The following PBX1 variants were observed in gnomAD, a reference collection of about 807,000 sequenced individuals.
The protein encoded by PBX1 is PBX homeobox 1, also known as pre-B-cell leukemia transcription factor 1.
In PBX1, 6 loss-of-function variants were observed where a neutral mutation model predicts 53.4. The ratio of observed to expected loss-of-function variants is 0.11; its 90% CI spans 0.06 to 0.22. The LOEUF (loss-of-function observed/expected upper bound fraction) is 0.22. PBX1 is among the 10% of genes least tolerant of loss of function. The probability of loss-of-function intolerance (pLI) is 1.00; values close to 1 mark genes in which losing one functional copy is unlikely to be tolerated. For synonymous variants in PBX1, 204 were observed against 212.3 expected, an observed-to-expected ratio of 0.96 and a Z score of 0.34; for missense variants, 251 against 551.4, an observed-to-expected ratio of 0.46 and a Z score of 5.46.
intron 8 of PBX1, among the ~76,000 whole-genome samples, chr1:164,840,476 A>G (rs930085342): frequency 6.6e-6 from 1 of 152,174 alleles, no homozygotes. Flanking sequence ...AGGACACAAC[A>G]GGCCATTAGG....
intron 2 of PBX1, among the ~76,000 whole-genome samples, chr1:164,654,011 A>G (rs1283971279): frequency 6.6e-6 from 1 of 152,192 alleles, no homozygotes; most frequent in Non-Finnish European, 1.5e-5. Context: ...TTAAAATGGA[A>G]TTTTGTTTCT....
chr1:164,883,232 A>C (rs1286516088), intron 2 of PBX1, among the ~76,000 whole-genome samples: 1 of 152,162 alleles, frequency 6.6e-6, no homozygotes, highest in Non-Finnish European at 1.5e-5. Context: ...CACAAGACCC[A>C]ATTCTATGTA....
intron 3 of PBX1, among the ~76,000 whole-genome samples, chr1:164,793,084 A>G (rs1006549853): frequency 1.3e-5 from 2 of 152,202 alleles, no homozygotes; most frequent in Admixed American, 6.5e-5. Flanking sequence ...TCCGGGCGCT[A>G]TAGGTGATCA....
intron 2 of PBX1, among the ~76,000 whole-genome samples, chr1:164,689,489 G>A (rs1209786944): frequency 6.6e-6 from 1 of 152,126 alleles, no homozygotes; most frequent in African/African-American, 2.4e-5. Context: ...AAGGGAATGG[G>A]CGAGCAGGTT....
intron 6 of PBX1, chr1:164,818,712 T>C (rs766219529): frequency 6.6e-6 from 1 of 152,004 alleles, no homozygotes; most frequent in Non-Finnish European, 1.5e-5. Context: ...GCCTTTAAAG[T>C]ATGAAAACAC....
chr1:164,602,761 G>C (rs1257273320), intron 2 of PBX1, among the ~76,000 whole-genome samples: 1 of 152,038 alleles, frequency 6.6e-6, no homozygotes, highest in South Asian at 2.1e-4. Context: ...GCACGAAAGG[G>C]CTCTTGCCTT....
intron 8 of PBX1, among the ~76,000 whole-genome samples, chr1:164,845,037 A>G (rs1671500438): frequency 1.3e-5 from 2 of 152,108 alleles, no homozygotes; most frequent in Non-Finnish European, 2.9e-5. Context: ...TGTTCTTGGC[A>G]TTGCTCAGGA....
intron 2 of PBX1, among the ~76,000 whole-genome samples, chr1:164,692,799 C>A (rs1159418199): frequency 7.2e-5 from 11 of 152,140 alleles, no homozygotes; most frequent in Non-Finnish European, 1.0e-4. Flanking sequence ...TTTTCTGGAG[C>A]ATTAGCTTAC....
chr1:164,725,809 A>G (rs986343917), intron 2 of PBX1, among the ~76,000 whole-genome samples: 1 of 152,190 alleles, frequency 6.6e-6, no homozygotes, highest in African/African-American at 2.4e-5. Context: ...GTAGCTATCC[A>G]TCATTTTTGA....
intron 2 of PBX1, among the ~76,000 whole-genome samples, chr1:164,729,471 G>A (rs1251859338): frequency 2.6e-5 from 4 of 152,008 alleles, no homozygotes; most frequent in African/African-American, 9.7e-5. Flanking sequence ...TTTCAAAGAT[G>A]TTGTGTAAAT....
chr1:164,563,676 A>T (rs1653220942), intron 2 of PBX1, among the ~76,000 whole-genome samples: 1 of 151,990 alleles, frequency 6.6e-6, no homozygotes, highest in South Asian at 2.1e-4. Flanking sequence ...TAAAACCCTA[A>T]TTTTTTTGGA....
At chr1:164,774,979 T>C (rs1667572628) in intron 2 of PBX1, among the ~76,000 whole-genome samples, 1 of 152,190 alleles carries the variant, frequency 6.6e-6, no homozygotes, top group Admixed American at 6.5e-5. Context: ...GATAAGCTGA[T>C]TACTGTCTGG....
chr1:164,615,620 C>G (rs894119746), intron 2 of PBX1, among the ~76,000 whole-genome samples: 3 of 152,114 alleles, frequency 2.0e-5, no homozygotes, highest in Non-Finnish European at 4.4e-5. Flanking sequence ...GCCGCCGCAC[C>G]GTTGATTGGA....
rs1653756844 is a variant in PBX1, at chr1:164,570,325, A to G, written c.265+7014A>G. 2.0e-5 allele frequency among the ~76,000 whole-genome samples: 3 copies of G among 152,182 alleles called. No individual in the cohort carries two copies. The South Asian group carries it at 6.2e-4, about 32-fold the overall frequency. Reference sequence around the variant, plus strand: ...CTCTACCCATCAACCCGTCATCTACATTAGGTGTTTCTCTTAATGCTCTCC... The same window carrying G: ...CTCTACCCATCAACCCGTCATCTACGTTAGGTGTTTCTCTTAATGCTCTCC... On this transcript the variant is annotated intron_variant, in intron 2 of 8. Coordinates refer to ENST00000420696, the MANE Select transcript of PBX1 (RefSeq NM_002585.4).
chr1:164,707,207 A>G (rs1043077722), intron 2 of PBX1, among the ~76,000 whole-genome samples: 3 of 152,224 alleles, frequency 2.0e-5, no homozygotes, highest in Non-Finnish European at 4.4e-5. Flanking sequence ...CGTCTGTGAC[A>G]TGAAGCCCTG....
chr1:164,642,545 G>A (rs1426349713), intron 2 of PBX1: 1 of 152,196 alleles, frequency 6.6e-6, no homozygotes, highest in African/African-American at 2.4e-5. Context: ...GCCTAGGATA[G>A]TACTGTATCC....
chr1:164,566,209 T>C (rs1188235551), intron 2 of PBX1, among the ~76,000 whole-genome samples: 1 of 152,120 alleles, frequency 6.6e-6, no homozygotes, highest in Non-Finnish European at 1.5e-5. Context: ...TGAATTACAA[T>C]TGATTGATGG....
intron 2 of PBX1, among the ~76,000 whole-genome samples, chr1:164,651,545 A>T (rs555762463): frequency 6.6e-6 from 1 of 152,202 alleles, no homozygotes; most frequent in East Asian, 1.9e-4. Context: ...TGTCAAATTA[A>T]ACCCAGCCTA....
Position 164,849,281 on chromosome 1 carries a change from G to C in PBX1, c.*2605G>C, listed in dbSNP as rs1671713713. 5.9e-6 allele frequency: 9 copies of C among 1,533,022 alleles called. No individual in the cohort carries two copies. Among genetic ancestry groups the C allele is most frequent in the Non-Finnish European group, 6.1e-6 (7 of 1,145,186 alleles). 95.0% of individuals were successfully genotyped at this position (1,533,022 alleles called of 1,614,324 possible). A position where few individuals can be genotyped will look rare whatever the true frequency, so the allele number is the denominator to read the frequency against. On this transcript the variant is annotated 3_prime_UTR_variant, in exon 9 of 9. Transcript: ENST00000420696. Reference sequence around the variant, plus strand: ...TCTCCGGGCCGTAGTTTTCACTGATGATCACCTTTCACAGCATTTTCCCCA... The same window carrying C: ...TCTCCGGGCCGTAGTTTTCACTGATCATCACCTTTCACAGCATTTTCCCCA...
Sources: allele counts gnomAD v4.1 joint callset (sites outside exome capture counted in the v4.1 genomes callset), GRCh38; gene constraint gnomAD v4.1.1; transcripts MANE v1.5; gene names NCBI Gene and HGNC (gene_info 2026-07-23, HGNC 2026-07-21).